SCARB1: variants seen among roughly 807,000 people sequenced by gnomAD.
The protein encoded by SCARB1 is CD36 and LIMPII analogous 1.
In SCARB1, 30 loss-of-function variants were observed where a neutral mutation model predicts 57.2. The ratio of observed to expected loss-of-function variants is 0.52; its 90% CI spans 0.39 to 0.71. SCARB1 has a LOEUF of 0.71. Among genes scored for constraint, SCARB1 ranks in the 30% least tolerant of loss-of-function variants. SCARB1 has a pLI of 0.00. For missense variants in SCARB1, 543 were observed against 671.2 expected (o/e 0.81, Z 2.11); for synonymous variants, 249 against 268.3 (o/e 0.93, Z 0.70).
chr12:124,814,873 G>C lies in SCARB1; in HGVS notation c.426+100C>G. On this transcript the variant is annotated intron_variant, in intron 3 of 12. Coordinates refer to ENST00000261693, the MANE Select transcript of SCARB1 (RefSeq NM_005505.5). This position sits in a 1 kb window ranked among gnomAD's most constrained non-coding sequence, Gnocchi z 4.7. ...CACCAGGCGTGAGTCCCCACGCTCC[G>C]ACCACCTCAGGGACTGCTCTCTGCA... 1.3e-6 allele frequency: 2 copies of C among 1,508,056 alleles called. No homozygotes were observed. Among genetic ancestry groups the C allele is most frequent in the Non-Finnish European group, 9.1e-7 (1 of 1,096,910 alleles). 93.4% of individuals were successfully genotyped at this position (1,508,056 alleles called of 1,614,324 possible). A position where few individuals can be genotyped will look rare whatever the true frequency, so the allele number is the denominator to read the frequency against.
intron 9 of SCARB1, among the ~76,000 whole-genome samples, chr12:124,794,787 G>T (rs376885875): frequency 5.8e-4 from 88 of 152,132 alleles, no homozygotes; most frequent in African/African-American, 2.0e-3. Context: ...CAAATTAGCC[G>T]GGCGTGGTGG....
chr12:124,814,814 G>A lies in SCARB1; in HGVS notation c.426+159C>T, dbSNP rs1950641201. ...ACCTGGGAAACTCAGAACCCACTGGGGGTGGTGGAGACAGCACAGGGCCGA... is the reference window on the plus strand; with the variant it reads ...ACCTGGGAAACTCAGAACCCACTGGAGGTGGTGGAGACAGCACAGGGCCGA... On this transcript the variant is annotated intron_variant, in intron 3 of 12. Coordinates refer to ENST00000261693, the MANE Select transcript of SCARB1 (RefSeq NM_005505.5). This position sits in a 1 kb window ranked among gnomAD's most constrained non-coding sequence, Gnocchi z 4.7. 2.3e-6 allele frequency: 2 copies of A among 864,214 alleles called. No individual in the cohort carries two copies. Among genetic ancestry groups the A allele is most frequent in the East Asian group, 2.6e-5 (1 of 37,760 alleles). 53.5% of individuals were successfully genotyped at this position (864,214 alleles called of 1,614,324 possible).
At position 124,800,794 on chromosome 12, in the gene SCARB1, A is replaced by G. The variant is rs1183998453; in HGVS notation, c.1010-552T>C. Among the ~76,000 whole-genome samples, 2 of 152,150 alleles carry G rather than the reference A, an allele frequency of 1.3e-5. No individual in the cohort carries two copies. Among genetic ancestry groups the G allele is most frequent in the African/African-American group, 4.8e-5 (2 of 41,418 alleles). ...TGTCCCTGTAGACACACCTGCTACA[A>G]ATGTGAGCTCAACCTCGCCACTGAC... On this transcript the variant is annotated intron_variant, in intron 7 of 12. Coordinates refer to ENST00000261693, the MANE Select transcript of SCARB1 (RefSeq NM_005505.5). This position sits in a 1 kb window ranked among gnomAD's most constrained non-coding sequence, Gnocchi z 4.8.
chr12:124,822,744 C>T lies in SCARB1; in HGVS notation c.127-5037G>A, dbSNP rs1292235965. The stretch of plus-strand genomic sequence containing the variant: ...TACTAAAAATACAAAAAATATTAGC[C>T]GGGCATGGTGGCGCACACCTGTGGT... On this transcript the variant is annotated intron_variant, in intron 1 of 12. Coordinates refer to ENST00000261693, the MANE Select transcript of SCARB1 (RefSeq NM_005505.5). The surrounding 1 kb of genome is among the most constrained non-coding windows in gnomAD (Gnocchi z 5.0). Among the ~76,000 whole-genome samples, 2 of 151,992 alleles carry T rather than the reference C, an allele frequency of 1.3e-5. No individual in the cohort carries two copies. The highest frequency in any genetic ancestry group is 2.4e-5 in the African/African-American group (1 of 41,370).
At chr12:124,825,983 C>A (rs563654774) in intron 1 of SCARB1, among the ~76,000 whole-genome samples, 1 of 151,854 alleles carries the variant, frequency 6.6e-6, no homozygotes, top group Admixed American at 6.6e-5. Context: ...ATGCACAACA[C>A]GAGGACTGTG....
In SCARB1 at chr12:124,822,302, G is replaced by T. The variant is rs7137923; in HGVS notation, c.127-4595C>A. Among the ~76,000 whole-genome samples, 5,566 of 152,130 alleles carry T rather than the reference G, an allele frequency of 0.037. 579 individuals carry two copies. The East Asian group carries it at 0.4, about 11-fold the overall frequency. On this transcript the variant is annotated intron_variant, in intron 1 of 12. Transcript: ENST00000261693. The surrounding 1 kb of genome is among the most constrained non-coding windows in gnomAD (Gnocchi z 5.0). ...ATATCCATCAACAGATAAATGAATT[G>T]CCACATATCCACACAATGGAATGCT...
chr12:124,813,328 T>C (rs1430091502), intron 4 of SCARB1, among the ~76,000 whole-genome samples: 1 of 152,196 alleles, frequency 6.6e-6, no homozygotes, highest in Admixed American at 6.5e-5. Context: ...TGTGATGTGA[T>C]TGCTGACACT....
At chr12:124,837,865 G>A (rs1468484300) in intron 1 of SCARB1, among the ~76,000 whole-genome samples, 1 of 152,166 alleles carries the variant, frequency 6.6e-6, no homozygotes, top group African/African-American at 2.4e-5. Flanking sequence ...TGGTGCCCCT[G>A]CCCCCCAGCC....
chr12:124,785,946 C>G, intron 11 of SCARB1: 1 of 947,262 alleles, frequency 1.1e-6, no homozygotes, highest in East Asian at 2.7e-5. Flanking sequence ...CATCTGTCTC[C>G]CCGGCTGGGA....
intron 9 of SCARB1, among the ~76,000 whole-genome samples, chr12:124,794,799 A>G (rs1949883405): frequency 6.6e-6 from 1 of 152,086 alleles, no homozygotes; most frequent in African/African-American, 2.4e-5. Context: ...GCGTGGTGGC[A>G]CATGCCTGTA....
At chr12:124,780,865 G>A (rs1873318951) in intron 12 of SCARB1, among the ~76,000 whole-genome samples, 2 of 152,082 alleles carry the variant, frequency 1.3e-5, no homozygotes, top group African/African-American at 2.4e-5. Context: ...ACCAGCCCCT[G>A]ACCAGCCCCC....
At chr12:124,819,976 TG>T (rs1283450725) in intron 1 of SCARB1, among the ~76,000 whole-genome samples, 1 of 152,214 alleles carries the variant, frequency 6.6e-6, no homozygotes, top group Non-Finnish European at 1.5e-5. Flanking sequence ...CTGAATTCTT[TG>T]TCAAGAAACT....
intron 7 of SCARB1, among the ~76,000 whole-genome samples, chr12:124,803,737 T>C (rs1950225177): frequency 7.0e-6 from 1 of 142,490 alleles, no homozygotes; most frequent in Admixed American, 7.0e-5. Context: ...TAAAATAAAT[T>C]AGCCAGGTAT....
intron 1 of SCARB1, among the ~76,000 whole-genome samples, chr12:124,827,154 G>A (rs1951192223): frequency 6.6e-6 from 1 of 152,186 alleles, no homozygotes; most frequent in Admixed American, 6.5e-5. Context: ...GATTAAAGAA[G>A]GAAGAGGTTT....
At chr12:124,786,587 T>C in intron 10 of SCARB1, 84 bp from the exon 11 acceptor site, 1 of 1,570,054 alleles carries the variant, frequency 6.4e-7, no homozygotes, top group South Asian at 1.1e-5. Flanking sequence ...CCTTCCTCTG[T>C]GCCCGCCTCA....
At chr12:124,851,126 T>C (rs1349888941) in intron 1 of SCARB1, among the ~76,000 whole-genome samples, 1 of 152,226 alleles carries the variant, frequency 6.6e-6, no homozygotes, top group African/African-American at 2.4e-5. Context: ...TGCCAGCCAC[T>C]GAGAAAATTC....
At position 124,820,076 on chromosome 12, in the gene SCARB1, T is replaced by C. The variant is rs903067315; in HGVS notation, c.127-2369A>G. Among the ~76,000 whole-genome samples, 9 of 152,344 alleles carry C rather than the reference T, an allele frequency of 5.9e-5. 1 individual carries two copies. Among genetic ancestry groups the C allele is most frequent in the Admixed American group, 3.9e-4 (6 of 15,310 alleles). Reference sequence around the variant, plus strand: ...GGCCTTCAAGTGCCATAATTGTTTATTGATAAACGTGTCTTCCTACCCAGC... The same window carrying C: ...GGCCTTCAAGTGCCATAATTGTTTACTGATAAACGTGTCTTCCTACCCAGC... On this transcript the variant is annotated intron_variant, in intron 1 of 12. Coordinates refer to ENST00000261693, the MANE Select transcript of SCARB1 (RefSeq NM_005505.5).
rs1566231320 is a variant in SCARB1 at position 124,837,504 on chromosome 12, GGAGAAA to G, written c.127-19803_127-19798del. Reference sequence around the variant, plus strand: ...GGAAGGAAGGAAGGAAGGAAGGAAGGGAGAAAAAAGAAAAGAAAGGAAAGAAAAAGA... The same window carrying G: ...GGAAGGAAGGAAGGAAGGAAGGAAGGAAAGAAAAGAAAGGAAAGAAAAAGA... On this transcript the variant is annotated intron_variant, in intron 1 of 12. Transcript: ENST00000261693. Among the ~76,000 whole-genome samples the G allele has an allele frequency of 9.1e-3, 1,122 of 122,866 alleles. 45 individuals are homozygous for G. Among genetic ancestry groups the G allele is most frequent in the African/African-American group, 0.028 (923 of 32,536 alleles). 80.6% of individuals were successfully genotyped at this position (122,866 alleles called of 152,430 possible).
At chr12:124,803,912 CTATT>C in intron 7 of SCARB1, among the ~76,000 whole-genome samples, 1 of 152,162 alleles carries the variant, frequency 6.6e-6, no homozygotes, top group African/African-American at 2.4e-5. Flanking sequence ...AGAAAAAACT[CTATT>C]TAAATAAAGA....
Sources: allele counts gnomAD v4.1 joint callset (sites outside exome capture counted in the v4.1 genomes callset), GRCh38; gene constraint gnomAD v4.1.1; non-coding constraint Gnocchi (gnomAD v3.1); transcripts MANE v1.5; gene names NCBI Gene and HGNC (gene_info 2026-07-23, HGNC 2026-07-21).